ATXN1: variants seen among roughly 807,000 people sequenced by gnomAD.
The protein encoded by ATXN1 is ataxin-1.
Under a neutral mutation model 56.4 loss-of-function variants are expected in ATXN1, and 8 were observed. The ratio of observed to expected loss-of-function variants is 0.14; its 90% CI spans 0.08 to 0.26. The LOEUF (loss-of-function observed/expected upper bound fraction) is 0.26. ATXN1 is among the 10% of genes least tolerant of loss of function. ATXN1 has a pLI of 1.00. For missense variants in ATXN1, 987 were observed against 1,106.5 expected (o/e 0.89, Z 1.53); for synonymous variants, 514 against 494.6 (o/e 1.04, Z -0.52).
At chr6:16,475,718 G>C (rs1760313173) in intron 6 of ATXN1, among the ~76,000 whole-genome samples, 1 of 152,052 alleles carries the variant, frequency 6.6e-6, no homozygotes. Flanking sequence ...TCTTCCTTTG[G>C]AAGATAAGGA....
chr6:16,334,929 G>C (rs1388616800), intron 6 of ATXN1, among the ~76,000 whole-genome samples: 2 of 152,134 alleles, frequency 1.3e-5, no homozygotes, highest in Non-Finnish European at 2.9e-5. Context: ...GGGAAGAACA[G>C]AAAAAGCTGC....
chr6:16,435,396 T>A (rs901578883), intron 6 of ATXN1, among the ~76,000 whole-genome samples: 2 of 151,882 alleles, frequency 1.3e-5, no homozygotes. Flanking sequence ...GACTAAGCCA[T>A]GAGGAACTCC....
At chr6:16,320,357 C>T (rs1409440628) in intron 7 of ATXN1, among the ~76,000 whole-genome samples, 1 of 152,082 alleles carries the variant, frequency 6.6e-6, no homozygotes, top group Non-Finnish European at 1.5e-5. Flanking sequence ...GAGGAAATGG[C>T]ACTGAATATT....
chr6:16,412,168 T>C (rs1377226336), intron 6 of ATXN1, among the ~76,000 whole-genome samples: 1 of 152,214 alleles, frequency 6.6e-6, no homozygotes, highest in African/African-American at 2.4e-5. Flanking sequence ...ATGAACCCTG[T>C]CAATAGGAGA....
chr6:16,306,616 G>A lies in ATXN1; in HGVS notation c.2161C>T (p.His721Tyr). The change falls in exon 8 of 8, where the codon CAC becomes TAC. Residue 721 changes from histidine to tyrosine, a missense_variant. This residue lies in a region of ATXN1 where 196 missense variants were observed against 196.7 expected (regional missense o/e 1.00). Transcript: ENST00000436367. The surrounding 1 kb of genome is among the most constrained non-coding windows in gnomAD (Gnocchi z 5.2). ...CCGTTTTCCTGCTCGGCATACCTGT[G>A]TCTGCTGCCCGCCAGGCCGTCGGCC... ...SKADGLAGSR[H>Y]RYAEQENGIN... 6.2e-7 allele frequency: 1 copy of A among 1,614,228 alleles called. No homozygotes were observed. Among genetic ancestry groups the A allele is most frequent in the Non-Finnish European group, 8.5e-7 (1 of 1,180,048 alleles).
At chr6:16,379,257 G>A (rs557130133) in intron 6 of ATXN1, among the ~76,000 whole-genome samples, 40 of 152,288 alleles carry the variant, frequency 2.6e-4, no homozygotes, top group Admixed American at 7.2e-4. Flanking sequence ...TGGGCACTTA[G>A]GGGGAAGAGT....
At chr6:16,343,832 T>C (rs1440797114) in intron 6 of ATXN1, among the ~76,000 whole-genome samples, 2 of 152,150 alleles carry the variant, frequency 1.3e-5, no homozygotes, top group Non-Finnish European at 2.9e-5. Context: ...CACAGATAAT[T>C]TGTAACCAGT....
chr6:16,463,949 C>G (rs1437318705), intron 6 of ATXN1, among the ~76,000 whole-genome samples: 1 of 152,196 alleles, frequency 6.6e-6, no homozygotes, highest in African/African-American at 2.4e-5. Context: ...CCAAGGACCC[C>G]TGGACTGACC....
chr6:16,494,627 T>C (rs949982597), intron 5 of ATXN1, among the ~76,000 whole-genome samples: 2 of 152,212 alleles, frequency 1.3e-5, no homozygotes, highest in African/African-American at 4.8e-5. Flanking sequence ...CTTATGGACG[T>C]AGTGCAAAGT....
At chr6:16,746,234 A>G (rs1416912017) in intron 2 of ATXN1, among the ~76,000 whole-genome samples, 2 of 152,170 alleles carry the variant, frequency 1.3e-5, no homozygotes, top group Non-Finnish European at 2.9e-5. Context: ...CAAATAAATT[A>G]AAACAACAAA....
intron 2 of ATXN1, among the ~76,000 whole-genome samples, chr6:16,706,655 C>T (rs1034041760): frequency 6.1e-5 from 9 of 147,618 alleles, no homozygotes; most frequent in African/African-American, 1.8e-4. Context: ...AACCCAGAGG[C>T]GGAAGTTGCA....
Position 16,760,138 on chromosome 6 carries a change from G to A in ATXN1, c.-730+1160C>T, listed in dbSNP as rs2113554439. ...CAGCACTGGAACCACGTAGGAGGAGGCGGCGGCGCCCCCGGGAGTGGCAGA... is the reference window on the plus strand; with the variant it reads ...CAGCACTGGAACCACGTAGGAGGAGACGGCGGCGCCCCCGGGAGTGGCAGA... On this transcript the variant is annotated intron_variant, in intron 1 of 7. Transcript: ENST00000436367. The surrounding 1 kb of genome is among the most constrained non-coding windows in gnomAD (Gnocchi z 5.3). Among the ~76,000 whole-genome samples the A allele has an allele frequency of 6.6e-6, 1 of 152,060 alleles. No individual in the cohort carries two copies. The highest frequency in any genetic ancestry group is 2.0e-4 in the East Asian group (1 of 5,110).
chr6:16,537,055 T>C (rs1761614649), intron 4 of ATXN1, among the ~76,000 whole-genome samples: 1 of 150,854 alleles, frequency 6.6e-6, no homozygotes, highest in South Asian at 2.1e-4. Context: ...TTTTTTTTTT[T>C]GATAAGAGGT....
chr6:16,618,557 C>T (rs577528042), intron 3 of ATXN1, among the ~76,000 whole-genome samples: 112 of 152,132 alleles, frequency 7.4e-4, no homozygotes, highest in Admixed American at 1.5e-3. Context: ...ATGGCGAAAC[C>T]CCATCTCTAC....
intron 6 of ATXN1, among the ~76,000 whole-genome samples, chr6:16,347,636 G>C (rs1340820470): frequency 6.6e-6 from 1 of 152,184 alleles, no homozygotes; most frequent in Admixed American, 6.5e-5. Context: ...GTGGGGACTT[G>C]GAGAACCTTT....
chr6:16,401,167 T>C lies in ATXN1; in HGVS notation c.-160-72697A>G, dbSNP rs572324097. ...CTGGAAGTGGCTTTCCAGGTCTACA[T>C]GGGAGGGGCTTGCTTAGGCCAGGGA... On this transcript the variant is annotated intron_variant, in intron 6 of 7. Transcript: ENST00000436367. Among the ~76,000 whole-genome samples, 4 of 152,300 alleles carry C rather than the reference T, an allele frequency of 2.6e-5. No individual in the cohort carries two copies. The East Asian group carries it at 5.8e-4, about 22-fold the overall frequency.
intron 2 of ATXN1, among the ~76,000 whole-genome samples, chr6:16,707,201 C>T (rs1427476122): frequency 6.6e-6 from 1 of 152,058 alleles, no homozygotes; most frequent in Non-Finnish European, 1.5e-5. Context: ...TATACTAGGA[C>T]ATATACCATG....
chr6:16,660,832 G>GTTTTTTTTTTTTT (rs754718969), intron 2 of ATXN1, among the ~76,000 whole-genome samples: 2 of 93,020 alleles, frequency 2.2e-5, no homozygotes, highest in Non-Finnish European at 4.1e-5. Context: ...TTTTGTTTTG[G>GTTTTTTTTTTTTT]TTTTTTTTTT....
chr6:16,479,925 G>GC (rs1490660216), intron 6 of ATXN1, among the ~76,000 whole-genome samples: 3 of 152,074 alleles, frequency 2.0e-5, no homozygotes, highest in Non-Finnish European at 4.4e-5. Context: ...GCCGAGGTGG[G>GC]CAGATCACTT....
Sources: gnomAD v4.1 joint callset for allele counts (sites outside exome capture counted in the v4.1 genomes callset) on GRCh38, gnomAD v4.1.1 for gene constraint, gnomAD v4.1.1 regional missense constraint, Gnocchi (gnomAD v3.1) non-coding constraint, MANE v1.5 for transcripts, NCBI Gene and HGNC (gene_info 2026-07-23, HGNC 2026-07-21) for gene names.